KIZ: variants seen among roughly 807,000 people sequenced by gnomAD.
The protein encoded by KIZ is centrosomal protein kizuna.
A neutral mutation model predicts 79.6 loss-of-function variants in KIZ; 68 were observed. That is an observed-to-expected ratio of 0.85 (90% CI 0.70 to 1.05). KIZ has a LOEUF of 1.05. Ranked by LOEUF, KIZ falls within the 50% of genes least tolerant of loss-of-function variation. The pLI is 0.00. For synonymous variants in KIZ, 280 were observed against 281.8 expected (o/e 0.99, Z 0.06); for missense variants, 797 against 800.4 (o/e 1.00, Z 0.05).
chr20:21,137,655 T>G (rs1415619765), intron 3 of KIZ, among the ~76,000 whole-genome samples: 1 of 152,072 alleles, frequency 6.6e-6, no homozygotes, highest in Non-Finnish European at 1.5e-5. Context: ...TCTGAGCCAT[T>G]GAAAGTCTGC....
intron 4 of KIZ, among the ~76,000 whole-genome samples, chr20:21,155,760 T>C (rs1169360650): frequency 2.0e-5 from 3 of 152,218 alleles, no homozygotes; most frequent in Admixed American, 2.0e-4. Flanking sequence ...TATGACATAG[T>C]CTTTATTTGC....
chr20:21,169,965 A>G (rs1415584723), intron 6 of KIZ, among the ~76,000 whole-genome samples: 2 of 152,022 alleles, frequency 1.3e-5, no homozygotes, highest in Non-Finnish European at 2.9e-5. Context: ...TTATCCATTC[A>G]CCTACTGAAG....
chr20:21,223,816 C>A (rs1303950525), intron 9 of KIZ, among the ~76,000 whole-genome samples: 2 of 151,410 alleles, frequency 1.3e-5, no homozygotes, highest in Non-Finnish European at 2.9e-5. Context: ...ATTACAGGCG[C>A]CCGCCACCAT....
At chr20:21,128,933 A>G (rs944792745) in intron 1 of KIZ, among the ~76,000 whole-genome samples, 1 of 152,274 alleles carries the variant, frequency 6.6e-6, no homozygotes, top group Middle Eastern at 3.4e-3. Flanking sequence ...AAAGTAGAAA[A>G]CTCAGCAAGA....
intron 6 of KIZ, chr20:21,166,176 A>T (rs6137276): frequency 1.8e-6 from 2 of 1,085,706 alleles, no homozygotes; most frequent in Non-Finnish European, 1.4e-6. Context: ...TCCATGAGGC[A>T]TTTTATTTGT....
intron 6 of KIZ, among the ~76,000 whole-genome samples, chr20:21,171,475 C>T (rs1469815616): frequency 6.6e-6 from 1 of 152,184 alleles, no homozygotes; most frequent in Admixed American, 6.5e-5. Context: ...GACAGGGTCA[C>T]ACTCTGTTGC....
rs2034306325 is a variant in KIZ, at chr20:21,173,517, G to T, written c.1352+10358G>T. On this transcript the variant is annotated intron_variant, in intron 6 of 12. Coordinates refer to ENST00000619189, the MANE Select transcript of KIZ (RefSeq NM_018474.6). ...TGCTTGAACCTGGGAAGTGGAGGTT[G>T]CAGTGAGCCAAGATTGTGCCACTGG... Among the ~76,000 whole-genome samples the T allele has an allele frequency of 2.7e-5, 4 of 150,022 alleles. No individual in the cohort carries two copies. The Admixed American group carries it at 2.7e-4, about 10-fold the overall frequency.
chr20:21,215,582 G>T lies in KIZ; in HGVS notation c.1613-1G>T. 6.3e-7 allele frequency: 1 copy of T among 1,580,692 alleles called. No homozygotes were observed. Among genetic ancestry groups the T allele is most frequent in the East Asian group, 2.2e-5 (1 of 44,480 alleles). ...TTTTTTATTATGCATTCAATTTTTA[G>T]AAGTTTCAAGTGGCTGTGGAGACAA... is the stretch of plus-strand genomic sequence containing the variant. On this transcript the variant is annotated splice_acceptor_variant, in intron 8 of 12. Transcript: ENST00000619189. LOFTEE classifies it high-confidence loss of function.
intron 9 of KIZ, among the ~76,000 whole-genome samples, chr20:21,227,535 AAAC>A (rs1387079613): frequency 1.3e-5 from 2 of 152,208 alleles, no homozygotes; most frequent in Non-Finnish European, 2.9e-5. Flanking sequence ...TATAAAATAA[AAAC>A]AAAACAGGGC....
intron 4 of KIZ, among the ~76,000 whole-genome samples, chr20:21,152,792 C>T (rs1278512200): frequency 6.6e-6 from 1 of 152,332 alleles, no homozygotes; most frequent in East Asian, 1.9e-4. Flanking sequence ...TCTTGAAGCT[C>T]ATACCTGCTT....
At chr20:21,221,385 A>G (rs952450900) in intron 9 of KIZ, among the ~76,000 whole-genome samples, 5 of 152,194 alleles carry the variant, frequency 3.3e-5, no homozygotes, top group African/African-American at 1.2e-4. Flanking sequence ...TTGATGATTC[A>G]GGATAGAATA....
chr20:21,190,988 G>C (rs1055281324), intron 6 of KIZ, among the ~76,000 whole-genome samples: 12 of 152,138 alleles, frequency 7.9e-5, no homozygotes, highest in African/African-American at 2.7e-4. Flanking sequence ...GGTGGACAGG[G>C]AGGGAAACTA....
At chr20:21,177,436 T>G (rs1258997987) in intron 6 of KIZ, among the ~76,000 whole-genome samples, 1 of 152,132 alleles carries the variant, frequency 6.6e-6, no homozygotes, top group Non-Finnish European at 1.5e-5. Flanking sequence ...AGGTTATTAG[T>G]TTTTTTGCTG....
At chr20:21,173,592 AAAAAG>A (rs1275117189) in intron 6 of KIZ, among the ~76,000 whole-genome samples, 10 of 145,600 alleles carry the variant, frequency 6.9e-5, no homozygotes, top group Admixed American at 2.1e-4. Context: ...AAAAAAAAAA[AAAAAG>A]AAAGAACCAG....
chr20:21,201,848 T>A (rs2035612767), intron 6 of KIZ, among the ~76,000 whole-genome samples: 1 of 152,256 alleles, frequency 6.6e-6, no homozygotes. Context: ...TGTAGAGCCA[T>A]GGGCGAAGCT....
At chr20:21,220,871 T>G (rs1433159541) in intron 9 of KIZ, among the ~76,000 whole-genome samples, 1 of 152,220 alleles carries the variant, frequency 6.6e-6, no homozygotes, top group African/African-American at 2.4e-5. Context: ...GAAGATGGGC[T>G]TTGCAAGGCT....
chr20:21,145,611 G>T lies in KIZ; in HGVS notation c.362G>T (p.Ser121Ile), dbSNP rs1267960409. The T allele has an allele frequency of 2.0e-6, 3 of 1,529,894 alleles. No homozygotes were observed. In the East Asian group the frequency reaches 7.5e-5, roughly 38 times the overall value. 94.8% of individuals were successfully genotyped at this position (1,529,894 alleles called of 1,614,324 possible). A position where few individuals can be genotyped will look rare whatever the true frequency, so the allele number is the denominator to read the frequency against. Residue 121 changes from serine to isoleucine, a missense_variant, in exon 4 of 13, where the codon AGC becomes ATC. Physicochemically the swap from Ser to Ile is moderately radical, Grantham distance 142 (BLOSUM62 -2). Transcript: ENST00000619189. Reference protein sequence around the residue: ...QIKKMLCSKDSLGLKEELTDE... With the variant: ...QIKKMLCSKDILGLKEELTDE... ...AAGAAGATGCTATGCTCAAAAGATA[G>T]CCTGGGACTAAAAGAGGAACTGACA...
intron 11 of KIZ, among the ~76,000 whole-genome samples, chr20:21,237,696 G>T (rs372213273): frequency 6.6e-6 from 1 of 152,174 alleles, no homozygotes; most frequent in Non-Finnish European, 1.5e-5. Context: ...CCTTCTGAAC[G>T]TTTCCTAAGC....
At chr20:21,156,034 A>G (rs534801132) in intron 4 of KIZ, among the ~76,000 whole-genome samples, 7 of 152,324 alleles carry the variant, frequency 4.6e-5, no homozygotes, top group Admixed American at 1.3e-4. Context: ...GACAGCTTCT[A>G]TTTCACCTAA....
Sources: gnomAD v4.1 joint callset for allele counts (sites outside exome capture counted in the v4.1 genomes callset) on GRCh38, gnomAD v4.1.1 for gene constraint, MANE v1.5 for transcripts, NCBI Gene and HGNC (gene_info 2026-07-23, HGNC 2026-07-21) for gene names.